Variants in PCSK5 observed in about 807,000 individuals in gnomAD.
PCSK5 encodes the protein prohormone convertase 5.
PCSK5 carries 129 observed loss-of-function variants against 233.2 expected under a neutral mutation model. The observed-to-expected ratio is 0.55, with a 90% CI of 0.48 to 0.64. The LOEUF is 0.64. Among genes scored for constraint, PCSK5 ranks in the 30% least tolerant of loss-of-function variants. The pLI is 0.00. For synonymous variants in PCSK5, 825 were observed against 879.2 expected (o/e 0.94, Z 1.09); for missense variants, 2,076 against 2,430.1 (o/e 0.85, Z 3.06).
intron 20 of PCSK5, among the ~76,000 whole-genome samples, chr9:76,206,670 G>A (rs1825126903): frequency 6.6e-6 from 1 of 152,166 alleles, no homozygotes. Flanking sequence ...CTGGAAGAAT[G>A]GTGTTTCACA....
rs1829480371 is a variant in PCSK5 at position 76,329,985 on chromosome 9, T to C, written c.4570+1746T>C. On this transcript the variant is annotated intron_variant, in intron 33 of 37. Coordinates refer to ENST00000674117, the MANE Select transcript of PCSK5 (RefSeq NM_001372043.1). ...TCCGAGAGTCACACCTGGAGGAACG[T>C]GATCTCCACATGCCTTTCCTCGGTG... 2.6e-5 allele frequency among the ~76,000 whole-genome samples: 4 copies of C among 152,042 alleles called. No homozygotes were observed. In the South Asian group the frequency reaches 8.3e-4, roughly 32 times the overall value.
intron 30 of PCSK5, among the ~76,000 whole-genome samples, chr9:76,312,312 C>T (rs906839644): frequency 2.0e-5 from 3 of 152,072 alleles, no homozygotes; most frequent in African/African-American, 7.2e-5. Context: ...GAGTTCAAAA[C>T]CAGCCTGACC....
intron 9 of PCSK5, among the ~76,000 whole-genome samples, chr9:76,125,672 A>G (rs543310459): frequency 2.6e-5 from 4 of 152,226 alleles, no homozygotes; most frequent in Non-Finnish European, 4.4e-5. Context: ...CTTTTAGGAA[A>G]TTTCTTCTGT....
chr9:76,204,699 T>C (rs572568424), intron 20 of PCSK5, among the ~76,000 whole-genome samples: 275 of 152,334 alleles, frequency 1.8e-3, no homozygotes, highest in Non-Finnish European at 3.3e-3. Flanking sequence ...TTCTCATCGT[T>C]GCATACCCCA....
intron 1 of PCSK5, among the ~76,000 whole-genome samples, chr9:75,928,807 T>TAGAA (rs1156564720): frequency 6.6e-6 from 1 of 151,464 alleles, no homozygotes; most frequent in Non-Finnish European, 1.5e-5. Context: ...GCAATTAAGG[T>TAGAA]AGAACTAAAC....
intron 6 of PCSK5, among the ~76,000 whole-genome samples, chr9:76,068,731 G>A (rs1587583145): frequency 6.6e-6 from 1 of 152,228 alleles, no homozygotes. Context: ...ACAGCCTGGT[G>A]CCACAGCCAC....
chr9:76,144,861 C>T (rs67297747), intron 10 of PCSK5, among the ~76,000 whole-genome samples: 19,284 of 152,202 alleles, frequency 0.13, 1,444 homozygotes, highest in East Asian at 0.33. Flanking sequence ...GGAGTGGTGG[C>T]TTATGCCTCT....
Position 75,901,036 on chromosome 9 carries a change from C to T in PCSK5, c.192+9663C>T, listed in dbSNP as rs1826008523. Reference sequence around the variant, plus strand: ...TGGAAAGGAAGAGAAACGTTGGTGCCTCAGACTAAAGAGGAAGGAAGGGCG... The same window carrying T: ...TGGAAAGGAAGAGAAACGTTGGTGCTTCAGACTAAAGAGGAAGGAAGGGCG... On this transcript the variant is annotated intron_variant, in intron 1 of 37. Coordinates refer to ENST00000674117, the MANE Select transcript of PCSK5 (RefSeq NM_001372043.1). 5.3e-5 allele frequency among the ~76,000 whole-genome samples: 8 copies of T among 152,150 alleles called. No homozygotes were observed. In the South Asian group the frequency reaches 1.7e-3, roughly 32 times the overall value.
chr9:76,312,497 G>A (rs543370375), intron 30 of PCSK5, among the ~76,000 whole-genome samples: 3 of 142,038 alleles, frequency 2.1e-5, no homozygotes, highest in Admixed American at 7.3e-5. Flanking sequence ...CAACAAGAGC[G>A]AAACTCCATC....
intron 5 of PCSK5, among the ~76,000 whole-genome samples, chr9:76,064,011 AC>A (rs1365701629): frequency 1.2e-5 from 1 of 82,754 alleles, no homozygotes; most frequent in Non-Finnish European, 2.3e-5. Flanking sequence ...CGGGGGGCTG[AC>A]CCCCCCACCT....
chr9:76,243,229 C>G (rs1404607153), intron 24 of PCSK5, among the ~76,000 whole-genome samples: 3 of 152,194 alleles, frequency 2.0e-5, no homozygotes, highest in Non-Finnish European at 4.4e-5. Flanking sequence ...GCTCTTCAGT[C>G]CATTCATTAC....
At chr9:76,110,230 C>A (rs1264015332) in intron 9 of PCSK5, among the ~76,000 whole-genome samples, 8 of 147,694 alleles carry the variant, frequency 5.4e-5, no homozygotes, top group Non-Finnish European at 1.0e-4. Context: ...TATGCATGGC[C>A]TGCCAGGGTT....
chr9:76,159,137 C>T lies in PCSK5; in HGVS notation c.1585C>T (p.Pro529Ser). The T allele has an allele frequency of 6.2e-7, 1 of 1,614,140 alleles. No individual in the cohort carries two copies. Among genetic ancestry groups the T allele is most frequent in the Non-Finnish European group, 8.5e-7 (1 of 1,180,000 alleles). ...RGDLAIYLTS[P>S]SGTRSQLLAN... is the part of the protein sequence containing the mutation. ...AGACCTGGCCATCTACCTGACCTCG[C>T]CCTCTGGAACTAGGTCTCAGCTTTT... The change falls in exon 12 of 38, where the codon CCC (proline) becomes TCC (serine). Residue 529 changes from proline to serine, a missense_variant. Pro to Ser is a moderately conservative substitution (Grantham distance 74). Coordinates refer to ENST00000674117, the MANE Select transcript of PCSK5 (RefSeq NM_001372043.1).
intron 2 of PCSK5, among the ~76,000 whole-genome samples, chr9:75,966,952 TG>T (rs1825613020): frequency 6.6e-6 from 1 of 152,198 alleles, no homozygotes; most frequent in South Asian, 2.1e-4. Flanking sequence ...TGCCTCTATA[TG>T]GCTTTTGGTC....
At chr9:76,331,960 T>C (rs1273577015) in intron 33 of PCSK5, among the ~76,000 whole-genome samples, 1 of 152,212 alleles carries the variant, frequency 6.6e-6, no homozygotes, top group East Asian at 1.9e-4. Context: ...GGATACTTCA[T>C]AGGAACAGCA....
chr9:76,127,138 A>C (rs1309801332), intron 9 of PCSK5, among the ~76,000 whole-genome samples: 2 of 152,150 alleles, frequency 1.3e-5, no homozygotes, highest in Admixed American at 1.3e-4. Context: ...CTATAAAGTA[A>C]TTTAGAATCA....
intron 5 of PCSK5, among the ~76,000 whole-genome samples, chr9:76,033,389 G>A (rs1828726467): frequency 6.6e-6 from 1 of 151,844 alleles, no homozygotes; most frequent in South Asian, 2.1e-4. Context: ...AGAAAATGAG[G>A]GTCAATATCA....
intron 6 of PCSK5, among the ~76,000 whole-genome samples, chr9:76,071,197 A>C (rs1830469030): frequency 1.3e-5 from 2 of 152,210 alleles, no homozygotes; most frequent in Non-Finnish European, 2.9e-5. Context: ...ATTCTTATTT[A>C]TTATTTGACA....
intron 2 of PCSK5, among the ~76,000 whole-genome samples, chr9:75,941,144 C>T (rs958250451): frequency 7.2e-5 from 11 of 152,184 alleles, no homozygotes; most frequent in Non-Finnish European, 1.6e-4. Flanking sequence ...AGCGGGCGCT[C>T]CTGGGTGTTT....
Sources: gnomAD v4.1 joint callset for allele counts (sites outside exome capture counted in the v4.1 genomes callset) on GRCh38, gnomAD v4.1.1 for gene constraint, MANE v1.5 for transcripts, NCBI Gene and HGNC (gene_info 2026-07-23, HGNC 2026-07-21) for gene names.